The following PRKN variants were observed in gnomAD, a reference collection of about 807,000 sequenced individuals.
The protein encoded by PRKN is E3 ubiquitin-protein ligase parkin.
A neutral mutation model predicts 59.5 loss-of-function variants in PRKN; 56 were observed. The observed-to-expected ratio is 0.94, with a 90% CI of 0.76 to 1.18. The LOEUF (loss-of-function observed/expected upper bound fraction) is 1.18, where lower values mean the gene tolerates loss of function less well. Among genes scored for constraint, PRKN ranks in the 50% most tolerant of loss-of-function variants. The pLI is 0.00. For synonymous variants in PRKN, 250 were observed against 222.1 expected, an observed-to-expected ratio of 1.13 and a Z score of -1.12; for missense variants, 657 against 596.4, an observed-to-expected ratio of 1.10 and a Z score of -1.06.
intron 1 of PRKN, among the ~76,000 whole-genome samples, chr6:162,551,104 T>C (rs1178056966): frequency 1.3e-5 from 2 of 152,152 alleles, no homozygotes; most frequent in Admixed American, 6.6e-5. Flanking sequence ...CCTTCGTGAA[T>C]ATTCCTCACT....
At chr6:161,941,269 C>T (rs529050817) in intron 6 of PRKN, among the ~76,000 whole-genome samples, 4 of 152,258 alleles carry the variant, frequency 2.6e-5, no homozygotes, top group African/African-American at 7.2e-5. Context: ...GGCGGCTGGA[C>T]GTTGAGAGGA....
intron 7 of PRKN, among the ~76,000 whole-genome samples, chr6:161,661,521 C>T (rs1784544457): frequency 6.6e-6 from 1 of 151,330 alleles, no homozygotes. Context: ...CCCTTCCCCA[C>T]CACTACCTGC....
At chr6:162,669,555 T>C (rs1779242079) in intron 1 of PRKN, among the ~76,000 whole-genome samples, 1 of 152,194 alleles carries the variant, frequency 6.6e-6, no homozygotes, top group Admixed American at 6.5e-5. Flanking sequence ...GTCTATGCCA[T>C]GACAAGCCTC....
intron 5 of PRKN, among the ~76,000 whole-genome samples, chr6:162,040,801 G>A (rs979917555): frequency 6.6e-6 from 1 of 152,018 alleles, no homozygotes; most frequent in Non-Finnish European, 1.5e-5. Flanking sequence ...TGGTAACATT[G>A]AGGGAGGTCA....
rs540700910 is a variant in PRKN, at chr6:162,419,589, C to T, written c.171+23721G>A. Among the ~76,000 whole-genome samples, 3 of 152,162 alleles carry T rather than the reference C, an allele frequency of 2.0e-5. 1 individual carries two copies. Among genetic ancestry groups the T allele is most frequent in the Non-Finnish European group, 4.4e-5 (3 of 68,036 alleles). Reference sequence around the variant, plus strand: ...AGTTGGTTCTGCAGCCCAGTCCTAGCCCTGGAACTCCACAGTGCCCACAAC... The same window carrying T: ...AGTTGGTTCTGCAGCCCAGTCCTAGTCCTGGAACTCCACAGTGCCCACAAC... On this transcript the variant is annotated intron_variant, in intron 2 of 11. Coordinates refer to ENST00000366898, the MANE Select transcript of PRKN (RefSeq NM_004562.3).
rs553554378 is a variant in PRKN, at chr6:162,105,636, G to A, written c.535-51462C>T. ...GCGGGTCTCAAACTCCTGACCTCAC[G>A]TGATCCACCTGCCTTGGTCTCCCAA... On this transcript the variant is annotated intron_variant, in intron 4 of 11. Transcript: ENST00000366898. Among the ~76,000 whole-genome samples the A allele has an allele frequency of 6.6e-5, 10 of 152,262 alleles. No homozygotes were observed. In the South Asian group the frequency reaches 1.5e-3, roughly 22 times the overall value.
At chr6:162,260,864 T>A (rs529165952) in intron 3 of PRKN, among the ~76,000 whole-genome samples, 60 of 152,228 alleles carry the variant, frequency 3.9e-4, no homozygotes, top group African/African-American at 1.4e-3. Flanking sequence ...AGTAGATAGG[T>A]CTCCTAACAT....
At chr6:162,675,085 T>A (rs1463977862) in intron 1 of PRKN, among the ~76,000 whole-genome samples, 1 of 152,010 alleles carries the variant, frequency 6.6e-6, no homozygotes, top group Non-Finnish European at 1.5e-5. Context: ...TCTGGCTCTG[T>A]TGCCCGGCTG....
chr6:161,397,622 T>G lies in PRKN; in HGVS notation c.1084-10745A>C, dbSNP rs981143339. Reference sequence around the variant, plus strand: ...TGCAGTCACCTCAAATTCAAGTCACTTCTAATTCCACGTGATTATCATGAA... The same window carrying G: ...TGCAGTCACCTCAAATTCAAGTCACGTCTAATTCCACGTGATTATCATGAA... On this transcript the variant is annotated intron_variant, in intron 9 of 11. Coordinates refer to ENST00000366898, the MANE Select transcript of PRKN (RefSeq NM_004562.3). This position sits in a 1 kb window ranked among gnomAD's most constrained non-coding sequence, Gnocchi z 4.2. 3.9e-5 allele frequency among the ~76,000 whole-genome samples: 6 copies of G among 152,180 alleles called. No individual in the cohort carries two copies. Among genetic ancestry groups the G allele is most frequent in the Non-Finnish European group, 8.8e-5 (6 of 68,046 alleles).
At chr6:161,755,367 G>A (rs963893786) in intron 7 of PRKN, among the ~76,000 whole-genome samples, 2 of 152,010 alleles carry the variant, frequency 1.3e-5, no homozygotes, top group African/African-American at 4.8e-5. Context: ...TCAGATGACA[G>A]TAAACATCAT....
At chr6:162,003,207 CAAAAAAAA>C (rs60792069) in intron 5 of PRKN, among the ~76,000 whole-genome samples, 1 of 124,992 alleles carries the variant, frequency 8.0e-6, no homozygotes, top group Non-Finnish European at 1.7e-5. Context: ...AGGTTGTTGA[CAAAAAAAA>C]AAAAAAAAAA....
chr6:161,990,050 C>T (rs1222254235), intron 5 of PRKN, among the ~76,000 whole-genome samples: 2 of 152,156 alleles, frequency 1.3e-5, no homozygotes, highest in Admixed American at 6.5e-5. Flanking sequence ...AATGATGCCA[C>T]ACACCACCCA....
At chr6:161,829,092 G>A (rs1210388427) in intron 6 of PRKN, among the ~76,000 whole-genome samples, 1 of 152,134 alleles carries the variant, frequency 6.6e-6, no homozygotes, top group East Asian at 1.9e-4. Context: ...CAGGCATAGT[G>A]GCATGTGCCT....
chr6:161,873,729 T>A (rs989212191), intron 6 of PRKN, among the ~76,000 whole-genome samples: 2 of 151,548 alleles, frequency 1.3e-5, no homozygotes, highest in Non-Finnish European at 2.9e-5. Flanking sequence ...AATTCCTGTT[T>A]CCCTTGAAAT....
intron 4 of PRKN, among the ~76,000 whole-genome samples, chr6:162,144,474 C>A (rs1057403097): frequency 6.6e-6 from 1 of 152,110 alleles, no homozygotes; most frequent in Admixed American, 6.5e-5. Flanking sequence ...CAGATGAGAT[C>A]GAGGTGGAAG....
chr6:161,476,360 T>C (rs558923701), intron 9 of PRKN, among the ~76,000 whole-genome samples: 1 of 152,198 alleles, frequency 6.6e-6, no homozygotes, highest in Admixed American at 6.6e-5. Flanking sequence ...AAATCAACAT[T>C]TAGGGAATTC....
intron 1 of PRKN, among the ~76,000 whole-genome samples, chr6:162,555,978 T>C (rs1245948604): frequency 4.8e-5 from 2 of 41,384 alleles, no homozygotes; most frequent in Non-Finnish European, 1.1e-4. Context: ...CGAAACTCCA[T>C]CTCAAAAAAA....
intron 2 of PRKN, among the ~76,000 whole-genome samples, chr6:162,304,884 G>T (rs1189372857): frequency 2.6e-5 from 4 of 152,062 alleles, no homozygotes; most frequent in Non-Finnish European, 5.9e-5. Context: ...TGGAAATCCA[G>T]GTTTTTAGAT....
intron 1 of PRKN, among the ~76,000 whole-genome samples, chr6:162,562,933 C>CTCAACA (rs1779902508): frequency 6.6e-6 from 1 of 152,132 alleles, no homozygotes; most frequent in Admixed American, 6.5e-5. Context: ...GTGGTGGTGG[C>CTCAACA]CACAGGGGTG....
Sources: allele counts gnomAD v4.1 joint callset (sites outside exome capture counted in the v4.1 genomes callset), GRCh38; gene constraint gnomAD v4.1.1; non-coding constraint Gnocchi (gnomAD v3.1); transcripts MANE v1.5; gene names NCBI Gene and HGNC (gene_info 2026-07-23, HGNC 2026-07-21).